Variants in RANBP2 observed in about 807,000 individuals in gnomAD.
RANBP2 encodes RAN binding protein 2.
Under a neutral mutation model 303.6 loss-of-function variants are expected in RANBP2, and 57 were observed. The ratio of observed to expected loss-of-function variants is 0.19; its 90% CI spans 0.15 to 0.23. RANBP2 has a LOEUF of 0.23. Ranked by LOEUF, RANBP2 falls within the 10% of genes least tolerant of loss-of-function variation. The pLI, the probability that RANBP2 is intolerant of heterozygous loss-of-function variation, is 1.00. For missense variants in RANBP2, 3,138 were observed against 3,780.8 expected (o/e 0.83, Z 4.46); for synonymous variants, 1,167 against 1,301.5 (o/e 0.90, Z 2.23).
At chr2:109,070,475 G>A in the RANBP2 span, among the ~76,000 whole-genome samples, 10 of 152,190 alleles carry the variant, frequency 6.6e-5, no homozygotes, top group South Asian at 2.1e-4. Context: ...TGATTGGGTC[G>A]TGGAGCAGAT....
At chr2:109,064,642 C>G in the RANBP2 span, among the ~76,000 whole-genome samples, 6 of 152,080 alleles carry the variant, frequency 3.9e-5, no homozygotes, top group African/African-American at 1.4e-4. Context: ...AAGATTTCTT[C>G]TGTTTAAAAA....
the RANBP2 span, among the ~76,000 whole-genome samples, chr2:108,792,712 AG>A: frequency 6.6e-6 from 1 of 152,222 alleles, no homozygotes; most frequent in Non-Finnish European, 1.5e-5. Flanking sequence ...GTATAATGGA[AG>A]ACACACCCCC....
chr2:109,529,855 G>T, the RANBP2 span, among the ~76,000 whole-genome samples: 5 of 152,152 alleles, frequency 3.3e-5, no homozygotes, highest in African/African-American at 9.7e-5. Flanking sequence ...GAGCCTTCTT[G>T]CCCCTTGAGG....
the RANBP2 span, among the ~76,000 whole-genome samples, chr2:109,141,763 A>T: frequency 1.1e-4 from 17 of 152,220 alleles, no homozygotes; most frequent in East Asian, 2.9e-3. Context: ...TCCTGACAGT[A>T]TCAACAGGAG....
chr2:109,758,857 CA>C, the RANBP2 span: 6 of 146,300 alleles, frequency 4.1e-5, no homozygotes, highest in Admixed American at 4.2e-4. Context: ...AAAAGAAATG[CA>C]AGTTATAATA....
the RANBP2 span, chr2:108,896,130 T>C: frequency 6.6e-6 from 1 of 152,224 alleles, no homozygotes; most frequent in Non-Finnish European, 1.5e-5. Flanking sequence ...GTAAATGAAA[T>C]TGGCTACTGC....
chr2:109,606,827 G>A, the RANBP2 span, among the ~76,000 whole-genome samples: 102 of 151,812 alleles, frequency 6.7e-4, no homozygotes, highest in African/African-American at 2.4e-3. Flanking sequence ...CTACAGGCAC[G>A]CACCACTAGG....
chr2:108,824,558 C>T, the RANBP2 span, among the ~76,000 whole-genome samples: 1 of 152,086 alleles, frequency 6.6e-6, no homozygotes, highest in African/African-American at 2.4e-5. Context: ...TCCTGGAAGA[C>T]CTGCTGAAGG....
chr2:108,859,050 T>C, the RANBP2 span, among the ~76,000 whole-genome samples: 1 of 152,280 alleles, frequency 6.6e-6, no homozygotes, highest in Admixed American at 6.5e-5. Flanking sequence ...GTAATAGGAT[T>C]GCTGAATCGA....
chr2:108,962,634 C>T, the RANBP2 span, among the ~76,000 whole-genome samples: 1 of 147,460 alleles, frequency 6.8e-6, no homozygotes, highest in African/African-American at 2.6e-5. Context: ...GAGATCGCTC[C>T]ACTGCCCTCC....
At chr2:108,736,668 G>T (rs542121770) in intron 6 of RANBP2, among the ~76,000 whole-genome samples, 2 of 152,276 alleles carry the variant, frequency 1.3e-5, no homozygotes, top group African/African-American at 4.8e-5. Context: ...TGGTATTTCA[G>T]AAAATACTGT....
the RANBP2 span, chr2:109,419,635 C>T: frequency 6.3e-7 from 1 of 1,577,666 alleles, no homozygotes; most frequent in Non-Finnish European, 8.6e-7. Flanking sequence ...CCAGCTGCCC[C>T]TCAACGTGTG....
At chr2:109,194,239 A>T in the RANBP2 span, among the ~76,000 whole-genome samples, 1 of 152,236 alleles carries the variant, frequency 6.6e-6, no homozygotes, top group Non-Finnish European at 1.5e-5. Context: ...CTTAGCATCC[A>T]TCAGCCTCAT....
the RANBP2 span, among the ~76,000 whole-genome samples, chr2:109,678,362 G>C: frequency 6.6e-6 from 1 of 152,326 alleles, no homozygotes; most frequent in African/African-American, 2.4e-5. Context: ...CCTGCCTTCT[G>C]CTCCCTGCAG....
the RANBP2 span, chr2:109,501,675 C>G: frequency 2.0e-5 from 15 of 755,328 alleles, no homozygotes; most frequent in Middle Eastern, 2.3e-4. Flanking sequence ...CTTCTGAGAA[C>G]TGGTGCTCCC....
At chr2:109,571,711 C>T in the RANBP2 span, among the ~76,000 whole-genome samples, 15 of 152,202 alleles carry the variant, frequency 9.9e-5, no homozygotes, top group Admixed American at 2.6e-4. Flanking sequence ...CTCAGGGTAT[C>T]GAAACCAATC....
chr2:109,556,569 C>T, the RANBP2 span, among the ~76,000 whole-genome samples: 1 of 152,096 alleles, frequency 6.6e-6, no homozygotes, highest in Non-Finnish European at 1.5e-5. Context: ...GCAGAGATTA[C>T]AAATGTGCAA....
chr2:109,138,047 G>T, the RANBP2 span, among the ~76,000 whole-genome samples: 1 of 152,088 alleles, frequency 6.6e-6, no homozygotes, highest in African/African-American at 2.4e-5. Context: ...AGACAGTCTT[G>T]CTCTGTTACC....
At chr2:109,268,518 G>T in the RANBP2 span, among the ~76,000 whole-genome samples, 1 of 152,180 alleles carries the variant, frequency 6.6e-6, no homozygotes, top group Non-Finnish European at 1.5e-5. Flanking sequence ...TCCAGCAGGA[G>T]CCTGGCCCCA....
Sources: allele counts gnomAD v4.1 joint callset (sites outside exome capture counted in the v4.1 genomes callset), GRCh38; gene constraint gnomAD v4.1.1; transcripts MANE v1.5; gene names NCBI Gene and HGNC (gene_info 2026-07-23, HGNC 2026-07-21).